RANBP2: variants seen among roughly 807,000 people sequenced by gnomAD.
The protein encoded by RANBP2 is E3 SUMO-protein ligase RanBP2.
Under a neutral mutation model 303.6 loss-of-function variants are expected in RANBP2, and 57 were observed. That is an observed-to-expected ratio of 0.19 (90% confidence interval 0.15 to 0.23). RANBP2 has a LOEUF of 0.23. Among genes scored for constraint, RANBP2 ranks in the 10% least tolerant of loss-of-function variants. The pLI is 1.00. For missense variants in RANBP2, 3,138 were observed against 3,780.8 expected (o/e 0.83, Z 4.46); for synonymous variants, 1,167 against 1,301.5 (o/e 0.90, Z 2.23).
At chr2:108,887,558 G>T in the RANBP2 span, among the ~76,000 whole-genome samples, 2 of 152,022 alleles carry the variant, frequency 1.3e-5, no homozygotes, top group African/African-American at 4.8e-5. Context: ...TTTCATCAGT[G>T]TTTTATAGTT....
chr2:108,849,592 A>AT, the RANBP2 span, among the ~76,000 whole-genome samples: 1 of 152,116 alleles, frequency 6.6e-6, no homozygotes, highest in Non-Finnish European at 1.5e-5. Flanking sequence ...GTTGTGAACG[A>AT]TTCTTTCTCA....
At chr2:109,192,139 T>C in the RANBP2 span, among the ~76,000 whole-genome samples, 2 of 152,126 alleles carry the variant, frequency 1.3e-5, no homozygotes, top group Non-Finnish European at 2.9e-5. Flanking sequence ...CGGTACCCAA[T>C]ATTGGTTCTT....
chr2:108,777,000 T>C (rs1677935202), intron 24 of RANBP2, 130 bp from the exon 25 acceptor site: 2 of 736,204 alleles, frequency 2.7e-6, no homozygotes, highest in African/African-American at 3.6e-5. Context: ...ATTTTGTAAC[T>C]TGACAGAATT....
At chr2:109,551,842 C>T in the RANBP2 span, among the ~76,000 whole-genome samples, 1 of 152,184 alleles carries the variant, frequency 6.6e-6, no homozygotes, top group South Asian at 2.1e-4. Flanking sequence ...TACTCAAAAC[C>T]TAAATTGCTG....
rs557728762 is a variant in RANBP2 at position 108,738,852 on chromosome 2, A to G, written c.783-1637A>G. On this transcript the variant is annotated intron_variant, in intron 6 of 28. Transcript: ENST00000283195. ...ACCATGTTGGCAAGGCTGGTCTTGA[A>G]CTCCTGACCTCAGGTGATCCACCCG... Among the ~76,000 whole-genome samples, 3 of 147,008 alleles carry G rather than the reference A, an allele frequency of 2.0e-5. No homozygotes were observed. The South Asian group carries it at 6.6e-4, about 32-fold the overall frequency.
the RANBP2 span, among the ~76,000 whole-genome samples, chr2:109,462,855 T>TC: frequency 2.6e-5 from 4 of 152,198 alleles, no homozygotes; most frequent in African/African-American, 9.6e-5. Context: ...CATAAGCCCG[T>TC]CCCTGACTGG....
the RANBP2 span, among the ~76,000 whole-genome samples, chr2:109,411,251 C>T: frequency 1.3e-4 from 20 of 152,342 alleles, 2 homozygotes; most frequent in East Asian, 3.7e-3. Flanking sequence ...TCAGGCTTTG[C>T]AGGATGCTGG....
the RANBP2 span, among the ~76,000 whole-genome samples, chr2:109,684,383 G>A: frequency 5.3e-5 from 8 of 151,408 alleles, no homozygotes; most frequent in African/African-American, 1.9e-4. Flanking sequence ...TGGGATTACA[G>A]GCATGTGCCA....
At chr2:109,527,840 A>G in the RANBP2 span, among the ~76,000 whole-genome samples, 1 of 152,256 alleles carries the variant, frequency 6.6e-6, no homozygotes. Context: ...AGTTGTCGTC[A>G]GAGTCACCAG....
At chr2:109,233,195 C>T in the RANBP2 span, among the ~76,000 whole-genome samples, 2 of 152,188 alleles carry the variant, frequency 1.3e-5, no homozygotes, top group South Asian at 2.1e-4. Flanking sequence ...GCTTCTTACA[C>T]CTTGTCCTCT....
chr2:108,738,605 C>A (rs1233878259), intron 6 of RANBP2, among the ~76,000 whole-genome samples: 1 of 149,892 alleles, frequency 6.7e-6, no homozygotes, highest in African/African-American at 2.5e-5. Context: ...GTAAGAAGCT[C>A]TATTGTGTGT....
chr2:109,274,216 T>A, the RANBP2 span, among the ~76,000 whole-genome samples: 12 of 152,202 alleles, frequency 7.9e-5, no homozygotes, highest in Non-Finnish European at 1.3e-4. Flanking sequence ...TTATGGAGAT[T>A]TGAGATTTCA....
At chr2:109,606,672 C>CTTTTTTTTT in the RANBP2 span, among the ~76,000 whole-genome samples, 19 of 71,910 alleles carry the variant, frequency 2.6e-4, no homozygotes, top group African/African-American at 5.5e-4. Flanking sequence ...AAATTTTAAG[C>CTTTTTTTTT]TTTTTTTTTT....
At chr2:108,849,196 A>G in the RANBP2 span, among the ~76,000 whole-genome samples, 2 of 152,208 alleles carry the variant, frequency 1.3e-5, no homozygotes, top group Non-Finnish European at 2.9e-5. Flanking sequence ...AAAAATCTAC[A>G]AAAAAGAAAA....
At chr2:109,084,448 T>C in the RANBP2 span, among the ~76,000 whole-genome samples, 1 of 152,228 alleles carries the variant, frequency 6.6e-6, no homozygotes. Flanking sequence ...CACTGGATGA[T>C]ACTGGAGTGA....
At chr2:109,486,716 A>C in the RANBP2 span, among the ~76,000 whole-genome samples, 6 of 151,776 alleles carry the variant, frequency 4.0e-5, no homozygotes, top group Non-Finnish European at 8.8e-5. Flanking sequence ...TTGGCGCAGG[A>C]TGTGTTAGAG....
At chr2:109,233,335 A>G in the RANBP2 span, among the ~76,000 whole-genome samples, 1 of 152,108 alleles carries the variant, frequency 6.6e-6, no homozygotes, top group Non-Finnish European at 1.5e-5. Flanking sequence ...AAGGGGAGAG[A>G]GTGGGAAGAT....
chr2:109,510,663 C>G, the RANBP2 span, among the ~76,000 whole-genome samples: 11 of 152,230 alleles, frequency 7.2e-5, no homozygotes, highest in Non-Finnish European at 1.6e-4. Context: ...CCCTTCCCAA[C>G]AAAACAGCCA....
At chr2:109,585,819 G>A in the RANBP2 span, 21 of 1,612,372 alleles carry the variant, frequency 1.3e-5, no homozygotes, top group South Asian at 5.5e-5. Context: ...CATAGTCAAC[G>A]AACGAATGTT....
Sources: gnomAD v4.1 joint callset for allele counts (sites outside exome capture counted in the v4.1 genomes callset) on GRCh38, gnomAD v4.1.1 for gene constraint, MANE v1.5 for transcripts, NCBI Gene and HGNC (gene_info 2026-07-23, HGNC 2026-07-21) for gene names.